PLD5: variants seen among roughly 807,000 people sequenced by gnomAD.
The protein encoded by PLD5 is phospholipase D family member 5.
PLD5 carries 36 observed loss-of-function variants against 61.1 expected under a neutral mutation model. That is an observed-to-expected ratio of 0.59 (90% confidence interval 0.45 to 0.78). PLD5 has a LOEUF of 0.78. Ranked by LOEUF, PLD5 falls within the 30% of genes least tolerant of loss-of-function variation. The pLI, the probability that PLD5 is intolerant of heterozygous loss-of-function variation, is 0.00. For missense variants in PLD5, 515 were observed against 644.4 expected, an observed-to-expected ratio of 0.80 and a Z score of 2.17; for synonymous variants, 243 against 242.8, an observed-to-expected ratio of 1.00 and a Z score of -0.01.
At chr1:242,308,896 T>A (rs1676530492) in intron 2 of PLD5, among the ~76,000 whole-genome samples, 1 of 152,156 alleles carries the variant, frequency 6.6e-6, no homozygotes, top group Non-Finnish European at 1.5e-5. Flanking sequence ...ATGCCATGTA[T>A]CCTCTTCTGC....
At chr1:242,450,945 C>T (rs1666753570) in intron 1 of PLD5, among the ~76,000 whole-genome samples, 1 of 152,128 alleles carries the variant, frequency 6.6e-6, no homozygotes, top group Non-Finnish European at 1.5e-5. Flanking sequence ...GAGTGTTTAA[C>T]ACCTGTCCCC....
At chr1:242,304,167 A>G (rs574029411) in intron 2 of PLD5, among the ~76,000 whole-genome samples, 29 of 152,340 alleles carry the variant, frequency 1.9e-4, no homozygotes, top group Non-Finnish European at 3.8e-4. Flanking sequence ...GTTGTATACC[A>G]TTAAAGCTGC....
At chr1:242,458,334 A>G (rs1052028268) in intron 1 of PLD5, among the ~76,000 whole-genome samples, 2 of 152,234 alleles carry the variant, frequency 1.3e-5, no homozygotes, top group African/African-American at 4.8e-5. Flanking sequence ...CATATTACTA[A>G]TGATTGCTCT....
intron 2 of PLD5, among the ~76,000 whole-genome samples, chr1:242,342,431 G>A (rs1659887585): frequency 6.6e-6 from 1 of 152,206 alleles, no homozygotes; most frequent in South Asian, 2.1e-4. Context: ...GGTCCCTGAG[G>A]ACATGATGTG....
chr1:242,352,497 T>C lies in PLD5; in HGVS notation c.190-4255A>G, dbSNP rs537133287. On this transcript the variant is annotated intron_variant, in intron 1 of 9. Coordinates refer to ENST00000536534, the MANE Select transcript of PLD5 (RefSeq NM_001372062.1). ...CCCACAGCTTGGCTATTATGAAGAG[T>C]GGTGCAATAAACATGGGTGTGCAGA... Among the ~76,000 whole-genome samples the C allele has an allele frequency of 1.2e-3, 187 of 152,258 alleles. 1 individual carries two copies. The highest frequency in any genetic ancestry group is 4.3e-3 in the African/African-American group (177 of 41,558).
chr1:242,375,364 G>A (rs1038238851), intron 1 of PLD5, among the ~76,000 whole-genome samples: 2 of 152,198 alleles, frequency 1.3e-5, no homozygotes, highest in Non-Finnish European at 2.9e-5. Flanking sequence ...AAAGGTCTGA[G>A]CAGCCCTGCT....
rs549578725 is a variant in PLD5 at position 242,455,200 on chromosome 1, T to C, written c.189+68888A>G. Among the ~76,000 whole-genome samples the C allele has an allele frequency of 1.6e-4, 24 of 152,346 alleles. No homozygotes were observed. The South Asian group carries it at 4.3e-3, about 28-fold the overall frequency. ...TATGTTTATTCTCTTTTACCTATTT[T>C]AATGCCAGAATTTGCAAATCATTTG... On this transcript the variant is annotated intron_variant, in intron 1 of 9. Coordinates refer to ENST00000536534, the MANE Select transcript of PLD5 (RefSeq NM_001372062.1).
At chr1:242,137,561 T>C (rs1663833905) in intron 5 of PLD5, among the ~76,000 whole-genome samples, 1 of 152,174 alleles carries the variant, frequency 6.6e-6, no homozygotes, top group South Asian at 2.1e-4. Context: ...GTGGAAATGT[T>C]TCCAGCAATC....
chr1:242,514,758 A>G (rs898580259), intron 1 of PLD5, among the ~76,000 whole-genome samples: 3 of 152,174 alleles, frequency 2.0e-5, no homozygotes, highest in Non-Finnish European at 4.4e-5. Flanking sequence ...GTGCAATGGG[A>G]TAACAGGGAA....
At chr1:242,433,001 C>T (rs1223359719) in intron 1 of PLD5, among the ~76,000 whole-genome samples, 2 of 152,024 alleles carry the variant, frequency 1.3e-5, no homozygotes, top group Non-Finnish European at 2.9e-5. Flanking sequence ...TGGCAAGGAG[C>T]ACAATGACCC....
In PLD5 at chr1:242,388,569, C is replaced by T. The variant is rs150883190; in HGVS notation, c.190-40327G>A. 1.1e-4 allele frequency among the ~76,000 whole-genome samples: 17 copies of T among 152,152 alleles called. 1 individual carries two copies. In the East Asian group the frequency reaches 3.1e-3, roughly 28 times the overall value. On this transcript the variant is annotated intron_variant, in intron 1 of 9. Transcript: ENST00000536534. The stretch of plus-strand genomic sequence containing the variant: ...CATAATGGGCTAAGAATTACTGAGG[C>T]GGCATAGTAGGGGAAATATACACAG...
intron 1 of PLD5, among the ~76,000 whole-genome samples, chr1:242,372,613 G>C (rs990352708): frequency 2.0e-5 from 3 of 152,116 alleles, no homozygotes; most frequent in Non-Finnish European, 2.9e-5. Flanking sequence ...CAATCAAACA[G>C]AACAGAGCCC....
At chr1:242,322,815 G>A (rs1658506083) in intron 2 of PLD5, among the ~76,000 whole-genome samples, 1 of 152,182 alleles carries the variant, frequency 6.6e-6, no homozygotes, top group South Asian at 2.1e-4. Flanking sequence ...GCAGAACTGT[G>A]AGTCAATTAA....
In PLD5 at chr1:242,157,142, A is replaced by T. The variant is rs117478200; in HGVS notation, c.736-32477T>A. On this transcript the variant is annotated intron_variant, in intron 5 of 9. Transcript: ENST00000536534. ...TGATATCTTTACTTCCAATTGATCA[A>T]TTCGGCTATTGATACTGTGTATGCT... Among the ~76,000 whole-genome samples, 805 of 152,240 alleles carry T rather than the reference A, an allele frequency of 5.3e-3. 9 individuals carry two copies. Among genetic ancestry groups the T allele is most frequent in the East Asian group, 0.026 (135 of 5,180 alleles).
At chr1:242,322,424 G>A (rs1658477382) in intron 2 of PLD5, among the ~76,000 whole-genome samples, 1 of 152,166 alleles carries the variant, frequency 6.6e-6, no homozygotes, top group Non-Finnish European at 1.5e-5. Context: ...GCCCACAGTT[G>A]CTCTCTCTTC....
At chr1:242,315,704 T>C (rs1676967061) in intron 2 of PLD5, among the ~76,000 whole-genome samples, 1 of 152,178 alleles carries the variant, frequency 6.6e-6, no homozygotes, top group African/African-American at 2.4e-5. Context: ...TTTGGACTTC[T>C]GAGCTCAAGC....
At chr1:242,354,032 A>G (rs1470246901) in intron 1 of PLD5, among the ~76,000 whole-genome samples, 1 of 150,496 alleles carries the variant, frequency 6.6e-6, no homozygotes, top group Non-Finnish European at 1.5e-5. Context: ...AGAGTTTCTT[A>G]TATGTAAGAT....
rs895309324 is a variant in PLD5 at position 242,394,979 on chromosome 1, A to T, written c.190-46737T>A. Among the ~76,000 whole-genome samples, 862 of 90,352 alleles carry T rather than the reference A, an allele frequency of 9.5e-3. 14 individuals carry two copies. Among genetic ancestry groups the T allele is most frequent in the East Asian group, 0.028 (72 of 2,534 alleles). 59.3% of individuals were successfully genotyped at this position (90,352 alleles called of 152,430 possible). A position where few individuals can be genotyped will look rare whatever the true frequency, so the allele number is the denominator to read the frequency against. The stretch of plus-strand genomic sequence containing the variant: ...TATGAATATATATGATTATATATGA[A>T]TATATATGAATATATATGTATATAT... On this transcript the variant is annotated intron_variant, in intron 1 of 9. Coordinates refer to ENST00000536534, the MANE Select transcript of PLD5 (RefSeq NM_001372062.1).
At chr1:242,293,179 C>T (rs1239477223) in intron 2 of PLD5, among the ~76,000 whole-genome samples, 4 of 152,184 alleles carry the variant, frequency 2.6e-5, no homozygotes, top group African/African-American at 9.6e-5. Context: ...ATGTGGAAAA[C>T]ATCTAATCAA....
Sources: gnomAD v4.1 joint callset for allele counts (sites outside exome capture counted in the v4.1 genomes callset) on GRCh38, gnomAD v4.1.1 for gene constraint, MANE v1.5 for transcripts, NCBI Gene and HGNC (gene_info 2026-07-23, HGNC 2026-07-21) for gene names.